Variants in PHACTR1 observed in about 807,000 individuals in gnomAD.
The protein encoded by PHACTR1 is RPEL repeat containing 1.
PHACTR1 carries 16 observed loss-of-function variants against 69.2 expected under a neutral mutation model. That is an observed-to-expected ratio of 0.23 (90% CI 0.16 to 0.35). PHACTR1 has a LOEUF of 0.35. Ranked by LOEUF, PHACTR1 falls within the 10% of genes least tolerant of loss-of-function variation. PHACTR1 has a pLI of 1.00. For synonymous variants in PHACTR1, 312 were observed against 284.5 expected (o/e 1.10, Z -0.97); for missense variants, 510 against 734.7 (o/e 0.69, Z 3.54).
At chr6:13,068,830 A>G (rs1214214571) in intron 5 of PHACTR1, among the ~76,000 whole-genome samples, 1 of 152,194 alleles carries the variant, frequency 6.6e-6, no homozygotes, top group African/African-American at 2.4e-5. Context: ...AGGTGAGCAC[A>G]GTATCCTTTC....
At chr6:13,194,756 C>T (rs995054902) in intron 7 of PHACTR1, among the ~76,000 whole-genome samples, 3 of 152,116 alleles carry the variant, frequency 2.0e-5, no homozygotes, top group African/African-American at 7.2e-5. Context: ...AAATGTCATC[C>T]CATGAATATC....
At chr6:12,921,580 G>A (rs1174907794) in intron 4 of PHACTR1, among the ~76,000 whole-genome samples, 1 of 119,328 alleles carries the variant, frequency 8.4e-6, no homozygotes, top group Non-Finnish European at 1.8e-5. Flanking sequence ...GGGAAGGAAG[G>A]AGAAGAAGGA....
chr6:13,032,676 G>A (rs1802624204), intron 4 of PHACTR1, among the ~76,000 whole-genome samples: 1 of 151,974 alleles, frequency 6.6e-6, no homozygotes, highest in South Asian at 2.1e-4. Context: ...GAATGCAGTG[G>A]CACGAACATA....
At chr6:13,258,600 C>A (rs546635901) in intron 10 of PHACTR1, among the ~76,000 whole-genome samples, 1 of 152,282 alleles carries the variant, frequency 6.6e-6, no homozygotes, top group South Asian at 2.1e-4. Flanking sequence ...CCACTAGTCT[C>A]GTGAAGGGTG....
intron 4 of PHACTR1, among the ~76,000 whole-genome samples, chr6:12,999,820 C>T (rs975488972): frequency 6.6e-6 from 1 of 152,072 alleles, no homozygotes; most frequent in Non-Finnish European, 1.5e-5. Context: ...AGGGAGCATC[C>T]GTGATGTTTG....
In PHACTR1 at chr6:12,911,298, T is replaced by C. The variant is rs527796475; in HGVS notation, c.251-142067T>C. Among the ~76,000 whole-genome samples, 177 of 152,274 alleles carry C rather than the reference T, an allele frequency of 1.2e-3. 1 individual carries two copies. The highest frequency in any genetic ancestry group is 1.9e-3 in the Non-Finnish European group (126 of 68,012). ...CTTCTAGTTTCTGCAGAAATCGACA[T>C]TGGGGGCTTTGTGTTTCAGAAATCA... On this transcript the variant is annotated intron_variant, in intron 4 of 14. Transcript: ENST00000332995.
chr6:12,797,333 G>T (rs1773155399), intron 4 of PHACTR1, among the ~76,000 whole-genome samples: 1 of 152,176 alleles, frequency 6.6e-6, no homozygotes, highest in South Asian at 2.1e-4. Context: ...ATTGTGCAGT[G>T]ATTCAAAGGC....
chr6:12,836,422 A>G (rs1162748170), intron 4 of PHACTR1, among the ~76,000 whole-genome samples: 1 of 152,196 alleles, frequency 6.6e-6, no homozygotes, highest in Admixed American at 6.5e-5. Flanking sequence ...AGTATTTGTT[A>G]TCAGGATTAT....
intron 3 of PHACTR1, among the ~76,000 whole-genome samples, chr6:12,726,499 T>A (rs370252373): frequency 6.6e-6 from 1 of 152,166 alleles, no homozygotes; most frequent in South Asian, 2.1e-4. Flanking sequence ...ACCATCCCAC[T>A]CACGCTTCTA....
chr6:13,225,770 C>T (rs928331646), intron 8 of PHACTR1, among the ~76,000 whole-genome samples: 5 of 152,166 alleles, frequency 3.3e-5, no homozygotes, highest in African/African-American at 1.2e-4. Flanking sequence ...TTATAGGAAC[C>T]ATTGCTAATT....
At chr6:13,122,239 T>C (rs976358435) in intron 5 of PHACTR1, among the ~76,000 whole-genome samples, 1 of 152,230 alleles carries the variant, frequency 6.6e-6, no homozygotes, top group Non-Finnish European at 1.5e-5. Context: ...GGACTTTGTG[T>C]TTTACATCTA....
chr6:13,049,928 A>G (rs1805662885), intron 4 of PHACTR1, among the ~76,000 whole-genome samples: 2 of 152,038 alleles, frequency 1.3e-5, no homozygotes, highest in Non-Finnish European at 2.9e-5. Flanking sequence ...AAGTCTGGGA[A>G]TATAGGTTTG....
chr6:13,089,362 A>C (rs1231308927), intron 5 of PHACTR1, among the ~76,000 whole-genome samples: 2 of 152,078 alleles, frequency 1.3e-5, no homozygotes, highest in Admixed American at 6.5e-5. Context: ...GGTGCACTCC[A>C]TTGGCCCAGA....
chr6:12,811,037 C>A (rs1010271144), intron 4 of PHACTR1, among the ~76,000 whole-genome samples: 1 of 150,574 alleles, frequency 6.6e-6, no homozygotes, highest in Admixed American at 6.6e-5. Context: ...TCAGTGGGTG[C>A]TCTGAGGACT....
intron 4 of PHACTR1, among the ~76,000 whole-genome samples, chr6:13,011,266 G>A (rs1161846396): frequency 6.6e-6 from 1 of 152,180 alleles, no homozygotes; most frequent in Non-Finnish European, 1.5e-5. Context: ...TGTGGTTAGT[G>A]CAACTGAGGA....
chr6:13,077,798 G>A (rs1447597191), intron 5 of PHACTR1, among the ~76,000 whole-genome samples: 2 of 152,112 alleles, frequency 1.3e-5, no homozygotes, highest in African/African-American at 4.8e-5. Flanking sequence ...CATCCAGAAT[G>A]AAAGGAAGCC....
chr6:12,959,175 T>TAAAA (rs1792304673), intron 4 of PHACTR1, among the ~76,000 whole-genome samples: 1 of 18,314 alleles, frequency 5.5e-5, no homozygotes. Context: ...AGACTTTATC[T>TAAAA]CAAAAAAAAA....
chr6:12,966,208 T>TC (rs1466259753), intron 4 of PHACTR1, among the ~76,000 whole-genome samples: 5 of 152,150 alleles, frequency 3.3e-5, no homozygotes, highest in African/African-American at 1.2e-4. Flanking sequence ...AAGTAAGGAC[T>TC]CAGGCTGGGG....
At chr6:12,770,291 C>A (rs1561866201) in intron 4 of PHACTR1, among the ~76,000 whole-genome samples, 1 of 152,130 alleles carries the variant, frequency 6.6e-6, no homozygotes, top group Non-Finnish European at 1.5e-5. Flanking sequence ...ACTATGGGCA[C>A]AAAGATAGGT....
Sources: allele counts gnomAD v4.1 joint callset (sites outside exome capture counted in the v4.1 genomes callset), GRCh38; gene constraint gnomAD v4.1.1; transcripts MANE v1.5; gene names NCBI Gene and HGNC (gene_info 2026-07-23, HGNC 2026-07-21).